Variants in LRBA observed in about 807,000 individuals in gnomAD.
LRBA encodes the protein lipopolysaccharide-responsive and beige-like anchor protein.
Under a neutral mutation model 330.0 loss-of-function variants are expected in LRBA, and 176 were observed. The observed-to-expected ratio is 0.53, with a 90% CI of 0.47 to 0.60. The LOEUF (loss-of-function observed/expected upper bound fraction) is 0.60. Ranked by LOEUF, LRBA falls within the 20% of genes least tolerant of loss-of-function variation. The probability of loss-of-function intolerance (pLI) is 0.00; values close to 1 mark genes in which losing one functional copy is unlikely to be tolerated. For synonymous variants in LRBA, 1,230 were observed against 1,193.0 expected, an observed-to-expected ratio of 1.03 and a Z score of -0.64; for missense variants, 3,259 against 3,444.8, an observed-to-expected ratio of 0.95 and a Z score of 1.35.
chr4:150,601,328 A>G (rs937932150), intron 37 of LRBA, among the ~76,000 whole-genome samples: 2 of 152,208 alleles, frequency 1.3e-5, no homozygotes, highest in African/African-American at 4.8e-5. Context: ...AGGTAACAAT[A>G]GATTCTACTA....
At chr4:150,283,185 A>G (rs1353977132) in intron 54 of LRBA, among the ~76,000 whole-genome samples, 1 of 152,124 alleles carries the variant, frequency 6.6e-6, no homozygotes, top group East Asian at 1.9e-4. Context: ...GGTCCCTGGT[A>G]GTTCCTCTCA....
intron 2 of LRBA, among the ~76,000 whole-genome samples, chr4:150,956,399 A>G (rs906688780): frequency 6.9e-6 from 1 of 145,688 alleles, no homozygotes; most frequent in Non-Finnish European, 1.5e-5. Context: ...AAAACAAAAC[A>G]AAAAAAAAAC....
At chr4:150,383,898 G>A (rs574267958) in intron 47 of LRBA, among the ~76,000 whole-genome samples, 4 of 152,150 alleles carry the variant, frequency 2.6e-5, no homozygotes, top group African/African-American at 4.8e-5. Context: ...GGTGAAAAAG[G>A]GGAGTGTGTA....
At chr4:150,953,079 A>C (rs1366726540) in intron 2 of LRBA, among the ~76,000 whole-genome samples, 1 of 152,136 alleles carries the variant, frequency 6.6e-6, no homozygotes, top group Non-Finnish European at 1.5e-5. Context: ...ACTCTCTTCA[A>C]CTGGATCACA....
At chr4:150,988,716 C>T (rs1741731731) in intron 2 of LRBA, among the ~76,000 whole-genome samples, 5 of 151,962 alleles carry the variant, frequency 3.3e-5, no homozygotes, top group Admixed American at 2.6e-4. Flanking sequence ...GTAGCTGGAA[C>T]TACAGCTGCG....
In LRBA at chr4:150,897,889, C is replaced by T; in HGVS notation, c.1925-71G>A. 5 of 989,048 alleles carry T rather than the reference C, an allele frequency of 5.1e-6. No individual in the cohort carries two copies. The East Asian group carries it at 7.4e-5, about 15-fold the overall frequency. 61.3% of individuals were successfully genotyped at this position (989,048 alleles called of 1,614,324 possible). A position where few individuals can be genotyped will look rare whatever the true frequency, so the allele number is the denominator to read the frequency against. ...CAAAGCTGTCAAAGTATAAAATTCTCATTCCCAACAGCTTTTCCATGTGTT... is the reference window on the plus strand; with the variant it reads ...CAAAGCTGTCAAAGTATAAAATTCTTATTCCCAACAGCTTTTCCATGTGTT... On this transcript the variant is annotated intron_variant, in intron 14 of 56. Transcript: ENST00000651943.
At chr4:150,938,174 C>T (rs998130548) in intron 2 of LRBA, among the ~76,000 whole-genome samples, 2 of 151,618 alleles carry the variant, frequency 1.3e-5, no homozygotes, top group Non-Finnish European at 2.9e-5. Context: ...TAGTTAACAC[C>T]TGTCTAAAAA....
intron 28 of LRBA, among the ~76,000 whole-genome samples, chr4:150,839,497 T>A (rs980140942): frequency 2.6e-5 from 4 of 152,192 alleles, no homozygotes; most frequent in African/African-American, 9.7e-5. Context: ...CAAATGTCCA[T>A]CAATGATAGA....
chr4:150,696,845 A>AC (rs1362151470), intron 36 of LRBA, among the ~76,000 whole-genome samples: 3 of 24,290 alleles, frequency 1.2e-4, no homozygotes, highest in Non-Finnish European at 3.2e-3. Flanking sequence ...CCATCTCCAC[A>AC]AAAAAAAAAA....
chr4:150,308,088 A>G (rs1193457235), intron 52 of LRBA, among the ~76,000 whole-genome samples: 1 of 152,234 alleles, frequency 6.6e-6, no homozygotes. Flanking sequence ...ATGATTTACC[A>G]TAAAGCATTC....
At chr4:150,525,328 A>G (rs556704115) in intron 40 of LRBA, among the ~76,000 whole-genome samples, 15 of 150,796 alleles carry the variant, frequency 9.9e-5, no homozygotes, top group Non-Finnish European at 1.8e-4. Context: ...TTTTTCCATT[A>G]TGTTCTTTTT....
At chr4:150,739,901 C>T (rs1056034692) in intron 35 of LRBA, among the ~76,000 whole-genome samples, 1 of 152,116 alleles carries the variant, frequency 6.6e-6, no homozygotes, top group African/African-American at 2.4e-5. Context: ...CAACTCTGGC[C>T]AGCACCTCAA....
intron 40 of LRBA, among the ~76,000 whole-genome samples, chr4:150,539,060 C>G (rs1336485187): frequency 6.6e-6 from 1 of 152,160 alleles, no homozygotes; most frequent in East Asian, 1.9e-4. Flanking sequence ...ACTGCAACCT[C>G]TGCCTCCTGG....
intron 31 of LRBA, among the ~76,000 whole-genome samples, chr4:150,814,603 T>C (rs545964781): frequency 6.6e-6 from 1 of 150,758 alleles, no homozygotes; most frequent in South Asian, 2.1e-4. Context: ...CAAGGAAGAC[T>C]TGAAATAACT....
rs72736360 is a variant in LRBA at position 150,641,173 on chromosome 4, T to C, written c.5922-42042A>G. On this transcript the variant is annotated intron_variant, in intron 37 of 56. Transcript: ENST00000651943. ...GAGATCCAAAAGCTTACATTCAGAC[T>C]TTTTACCATACACATTTCGCAGTAA... 1.6e-3 allele frequency among the ~76,000 whole-genome samples: 243 copies of C among 152,288 alleles called. 1 individual carries two copies. The highest frequency in any genetic ancestry group is 3.6e-3 in the Admixed American group (55 of 15,276).
intron 22 of LRBA, among the ~76,000 whole-genome samples, chr4:150,866,774 C>T (rs2126982833): frequency 6.6e-6 from 1 of 152,138 alleles, no homozygotes; most frequent in Non-Finnish European, 1.5e-5. Context: ...ATGAACAAAA[C>T]TATATGGGTC....
At chr4:150,658,053 T>C (rs990489563) in intron 37 of LRBA, among the ~76,000 whole-genome samples, 5 of 152,070 alleles carry the variant, frequency 3.3e-5, no homozygotes, top group Non-Finnish European at 5.9e-5. Flanking sequence ...TAACAATCTA[T>C]CACATGAAGG....
At chr4:150,964,002 G>A (rs1179190587) in intron 2 of LRBA, among the ~76,000 whole-genome samples, 1 of 146,698 alleles carries the variant, frequency 6.8e-6, no homozygotes, top group Non-Finnish European at 1.5e-5. Context: ...CACCCCTTCT[G>A]GGAGGTGAGG....
At chr4:150,757,233 A>G (rs1182053969) in intron 35 of LRBA, among the ~76,000 whole-genome samples, 1 of 152,196 alleles carries the variant, frequency 6.6e-6, no homozygotes, top group Non-Finnish European at 1.5e-5. Flanking sequence ...TATCTTATTA[A>G]ACAAATGTAA....
Sources: gnomAD v4.1 joint callset for allele counts (sites outside exome capture counted in the v4.1 genomes callset) on GRCh38, gnomAD v4.1.1 for gene constraint, MANE v1.5 for transcripts, NCBI Gene and HGNC (gene_info 2026-07-23, HGNC 2026-07-21) for gene names.